CSMD1: variants seen among roughly 807,000 people sequenced by gnomAD.
CSMD1 encodes CUB and sushi domain-containing protein 1.
Under a neutral mutation model 417.5 loss-of-function variants are expected in CSMD1, and 213 were observed. That is an observed-to-expected ratio of 0.51 (90% CI 0.46 to 0.57). The LOEUF is 0.57. Among genes scored for constraint, CSMD1 ranks in the 20% least tolerant of loss-of-function variants. The pLI is 0.00. For missense variants in CSMD1, 6,923 were observed against 4,529.7 expected, an observed-to-expected ratio of 1.53 and a Z score of -15.17; for synonymous variants, 2,862 against 1,736.8, an observed-to-expected ratio of 1.65 and a Z score of -16.11.
intron 2 of CSMD1, among the ~76,000 whole-genome samples, chr8:4,542,473 T>C (rs1431403145): frequency 6.6e-6 from 1 of 152,228 alleles, no homozygotes; most frequent in Non-Finnish European, 1.5e-5. Flanking sequence ...TTTGAATAGA[T>C]CACCAAATCA....
chr8:3,946,338 G>A (rs945466213), intron 5 of CSMD1, among the ~76,000 whole-genome samples: 1 of 151,908 alleles, frequency 6.6e-6, no homozygotes, highest in Non-Finnish European at 1.5e-5. Flanking sequence ...TCACATTTTC[G>A]TCAAAAAAAT....
At position 4,552,522 on chromosome 8, in the gene CSMD1, G is replaced by A. The variant is rs555125076; in HGVS notation, c.302+84820C>T. Among the ~76,000 whole-genome samples, 6 of 152,210 alleles carry A rather than the reference G, an allele frequency of 3.9e-5. No individual in the cohort carries two copies. The Middle Eastern group carries it at 0.017, about 431-fold the overall frequency. On this transcript the variant is annotated intron_variant, in intron 2 of 69. Coordinates refer to ENST00000635120, the MANE Select transcript of CSMD1 (RefSeq NM_033225.6). ...CAGATATATGCAGAACTCTGGAGAA[G>A]ATTAATGAAGTCAGCTTTCCATTCC...
In CSMD1 at chr8:4,256,310, T is replaced by G. The variant is rs145232203; in HGVS notation, c.415+163643A>C. On this transcript the variant is annotated intron_variant, in intron 3 of 69. Coordinates refer to ENST00000635120, the MANE Select transcript of CSMD1 (RefSeq NM_033225.6). ...TGATGCAGAGTGAAATGTACAACAATTTTGCAGAAAGACCAGCTCTGAATT... is the reference window on the plus strand; with the variant it reads ...TGATGCAGAGTGAAATGTACAACAAGTTTGCAGAAAGACCAGCTCTGAATT... Among the ~76,000 whole-genome samples the G allele has an allele frequency of 3.4e-3, 511 of 152,296 alleles. 2 individuals carry two copies. The highest frequency in any genetic ancestry group is 0.02 in the Middle Eastern group (6 of 294).
At chr8:4,355,156 G>A (rs1801345725) in intron 3 of CSMD1, among the ~76,000 whole-genome samples, 1 of 151,968 alleles carries the variant, frequency 6.6e-6, no homozygotes, top group Admixed American at 6.6e-5. Context: ...CAGCTACTCA[G>A]GAGGCTGAGG....
chr8:3,018,365 C>T (rs187727615), intron 52 of CSMD1, 112 bp downstream of exon 52: 3 of 956,748 alleles, frequency 3.1e-6, no homozygotes, highest in African/African-American at 3.3e-5. Context: ...AGCATTTCCA[C>T]CCCAGGTAGG....
intron 7 of CSMD1, among the ~76,000 whole-genome samples, chr8:3,657,187 G>A (rs1871885): frequency 0.38 from 58,458 of 152,082 alleles, 12,218 homozygotes; most frequent in Non-Finnish European, 0.47. Flanking sequence ...GGAAGATGCT[G>A]CAGGATCTAT....
intron 3 of CSMD1, among the ~76,000 whole-genome samples, chr8:4,369,327 T>A (rs1802270161): frequency 1.3e-5 from 2 of 152,184 alleles, no homozygotes; most frequent in Non-Finnish European, 2.9e-5. Context: ...ATTGAATTTT[T>A]TTTTAAATTT....
At position 3,239,324 on chromosome 8, in the gene CSMD1, C is replaced by T. The variant is rs987316362; in HGVS notation, c.4154-9093G>A. On this transcript the variant is annotated intron_variant, in intron 26 of 69. Coordinates refer to ENST00000635120, the MANE Select transcript of CSMD1 (RefSeq NM_033225.6). The stretch of plus-strand genomic sequence containing the variant: ...CTGTATAGAGGTGGGAAGGCCAAAC[C>T]GAGAAATTATGTCTGACAGAAGGAA... Among the ~76,000 whole-genome samples the T allele has an allele frequency of 3.9e-5, 6 of 151,974 alleles. No homozygotes were observed. In the South Asian group the frequency reaches 6.2e-4, roughly 16 times the overall value.
At chr8:4,194,466 G>T (rs890359271) in intron 3 of CSMD1, among the ~76,000 whole-genome samples, 1 of 152,020 alleles carries the variant, frequency 6.6e-6, no homozygotes, top group African/African-American at 2.4e-5. Flanking sequence ...TTACAATAGC[G>T]CCCTGTCACT....
intron 3 of CSMD1, among the ~76,000 whole-genome samples, chr8:4,345,831 C>T (rs1800747511): frequency 6.6e-6 from 1 of 152,120 alleles, no homozygotes; most frequent in South Asian, 2.1e-4. Flanking sequence ...TCATCCCGAG[C>T]AGCGACCTAC....
At chr8:3,533,766 T>C (rs1337220525) in intron 10 of CSMD1, among the ~76,000 whole-genome samples, 3 of 152,200 alleles carry the variant, frequency 2.0e-5, no homozygotes. Flanking sequence ...TCTCTTTTAC[T>C]TTCCTTACTC....
intron 1 of CSMD1, among the ~76,000 whole-genome samples, chr8:4,787,103 G>A (rs899596887): frequency 2.6e-5 from 4 of 152,180 alleles, no homozygotes; most frequent in African/African-American, 9.7e-5. Context: ...GTGATACTCG[G>A]CCTCCGCTGG....
chr8:3,403,818 T>A (rs1322509292), intron 15 of CSMD1, among the ~76,000 whole-genome samples: 2 of 152,206 alleles, frequency 1.3e-5, no homozygotes, highest in Non-Finnish European at 2.9e-5. Context: ...TGTATATATT[T>A]ACTCATTTAT....
chr8:4,900,344 C>A (rs999344811), intron 1 of CSMD1, among the ~76,000 whole-genome samples: 12 of 152,320 alleles, frequency 7.9e-5, no homozygotes, highest in Admixed American at 2.0e-4. Flanking sequence ...CATTTGTCAA[C>A]TTTCATGGCA....
intron 5 of CSMD1, among the ~76,000 whole-genome samples, chr8:3,970,985 AG>A (rs950867815): frequency 6.6e-6 from 1 of 152,172 alleles, no homozygotes; most frequent in African/African-American, 2.4e-5. Context: ...TCCTGACCTC[AG>A]GTGATCCCCC....
intron 3 of CSMD1, among the ~76,000 whole-genome samples, chr8:4,191,801 C>G (rs1215866049): frequency 6.7e-6 from 1 of 149,282 alleles, no homozygotes; most frequent in Non-Finnish European, 1.5e-5. Flanking sequence ...GTTGAATTGA[C>G]TTCATCTCCT....
chr8:4,678,308 G>C (rs551501305), intron 1 of CSMD1, among the ~76,000 whole-genome samples: 4 of 152,036 alleles, frequency 2.6e-5, no homozygotes, highest in South Asian at 2.1e-4. Flanking sequence ...CTACTTGGGA[G>C]GGTGAGGCAT....
chr8:4,858,136 G>A (rs1801913799), intron 1 of CSMD1, among the ~76,000 whole-genome samples: 1 of 150,144 alleles, frequency 6.7e-6, no homozygotes, highest in Non-Finnish European at 1.5e-5. Flanking sequence ...ATGTAATCCA[G>A]CATATAAACA....
Position 3,115,914 on chromosome 8 carries a change from A to G in CSMD1, c.6430+2485T>C, listed in dbSNP as rs192073609. On this transcript the variant is annotated intron_variant, in intron 42 of 69. Coordinates refer to ENST00000635120, the MANE Select transcript of CSMD1 (RefSeq NM_033225.6). ...GGACCTTTGAAGATGGTTTTTCAGT[A>G]CACTTGACCTATATAGCAATCACTG... 3.6e-3 allele frequency among the ~76,000 whole-genome samples: 555 copies of G among 152,310 alleles called. 4 individuals carry two copies. Among genetic ancestry groups the G allele is most frequent in the African/African-American group, 0.011 (466 of 41,550 alleles).
Sources: gnomAD v4.1 joint callset for allele counts (sites outside exome capture counted in the v4.1 genomes callset) on GRCh38, gnomAD v4.1.1 for gene constraint, MANE v1.5 for transcripts, NCBI Gene and HGNC (gene_info 2026-07-23, HGNC 2026-07-21) for gene names.